Variants in SRMS observed in about 807,000 individuals in gnomAD.
SRMS encodes the protein tyrosine-protein kinase Srms.
Under a neutral mutation model 43.5 loss-of-function variants are expected in SRMS, and 42 were observed. The ratio of observed to expected loss-of-function variants is 0.97; its 90% CI spans 0.75 to 1.25. The LOEUF (loss-of-function observed/expected upper bound fraction) is 1.25. Among genes scored for constraint, SRMS ranks in the 50% most tolerant of loss-of-function variants. The pLI is 0.00. For missense variants in SRMS, 703 were observed against 681.0 expected (o/e 1.03, Z -0.36); for synonymous variants, 316 against 308.2 (o/e 1.03, Z -0.27).
chr20:63,541,346 T>A lies in SRMS; in HGVS notation c.1130A>T (p.Asp377Val). 1 of 1,542,992 alleles carries A rather than the reference T, an allele frequency of 6.5e-7. No individual in the cohort carries two copies. Among genetic ancestry groups the A allele is most frequent in the Non-Finnish European group, 8.7e-7 (1 of 1,146,458 alleles). The part of the protein sequence containing the change: ...ADFGLARLLK[D>V]DIYSPSSSSK... ...GCTGCTGCTCGGGGAGTAGATGTCGTCCTGGGGGCGAGGGAAGGCCCCTGG... is the reference window on the plus strand; with the variant it reads ...GCTGCTGCTCGGGGAGTAGATGTCGACCTGGGGGCGAGGGAAGGCCCCTGG... The change falls in exon 7 of 8, where the codon GAC becomes GTC. Residue 377 changes from aspartate (D) to valine (V), a missense_variant and splice_region_variant. Asp to Val is a radical substitution (Grantham distance 152). Coordinates refer to ENST00000217188, the MANE Select transcript of SRMS (RefSeq NM_080823.4).
chr20:63,542,451 A>T lies in SRMS; in HGVS notation c.776T>A (p.Val259Asp). 1 of 1,611,528 alleles carries T rather than the reference A, an allele frequency of 6.2e-7. No homozygotes were observed. The highest frequency in any genetic ancestry group is 8.5e-7 in the Non-Finnish European group (1 of 1,179,340). Residue 259 changes from valine (V) to aspartate (D), a missense_variant, in exon 4 of 8, where the codon GTC (valine) becomes GAC (aspartate). Transcript: ENST00000217188. The part of the protein sequence containing the change: ...WLGSLPVAIK[V>D]IKSANMKLTD... The stretch of plus-strand genomic sequence containing the variant: ...TCTCGGGGCCTCACCTGACTTGATG[A>T]CCTTGATCGCCACGGGCAGGGAGCC...
intron 5 of SRMS, 29 bp downstream of exon 5, chr20:63,542,134 G>A (rs759895294): frequency 3.6e-5 from 58 of 1,592,536 alleles, no homozygotes; most frequent in Non-Finnish European, 4.7e-5. Flanking sequence ...GGCGCGTCAG[G>A]GCCACGTGGC....
rs1600943351 is a variant in SRMS at position 63,540,199 on chromosome 20, C to A, written c.*619G>T. Among the ~76,000 whole-genome samples, 1 of 152,310 alleles carries A rather than the reference C, an allele frequency of 6.6e-6. No homozygotes were observed. The highest frequency in any genetic ancestry group is 6.5e-5 in the Admixed American group (1 of 15,292). On this transcript the variant is annotated 3_prime_UTR_variant, in exon 8 of 8. Coordinates refer to ENST00000217188, the MANE Select transcript of SRMS (RefSeq NM_080823.4). Reference sequence around the variant, plus strand: ...CGTGAGTGGGTTTGTGCACAGGCCGCCAGTGTGTCTGTGAGGGGCAGGTGA... The same window carrying A: ...CGTGAGTGGGTTTGTGCACAGGCCGACAGTGTGTCTGTGAGGGGCAGGTGA...
At chr20:63,543,288 G>C in intron 3 of SRMS, 26 bp downstream of exon 3, 1 of 1,609,070 alleles carries the variant, frequency 6.2e-7, no homozygotes, top group South Asian at 1.1e-5. Flanking sequence ...GCCCAGCATG[G>C]GGCAGCTTGG....
intron 3 of SRMS, 118 bp downstream of exon 3, chr20:63,543,196 G>T: frequency 8.0e-7 from 1 of 1,255,060 alleles, no homozygotes; most frequent in Non-Finnish European, 1.1e-6. Flanking sequence ...GCCTGGGCAG[G>T]GCCCTGGAGC....
Position 63,541,251 on chromosome 20 carries a change from C to G in SRMS, c.1225G>C (p.Val409Leu), listed in dbSNP as rs372304332. The change falls in exon 7 of 8, where the codon GTC becomes CTC. Residue 409 changes from valine to leucine, a missense_variant. Transcript: ENST00000217188. ...TGCAGCAGGACGCCGAAGGACCAGA[C>G]GTCTGACTTCTGGGAGAAGACACGA... ...NYRVFSQKSD[V>L]WSFGVLLHEV... 1 of 1,569,416 alleles carries G rather than the reference C, an allele frequency of 6.4e-7. No individual in the cohort carries two copies. The highest frequency in any genetic ancestry group is 1.4e-5 in the African/African-American group (1 of 72,634).
chr20:63,539,337 G>A lies in SRMS; in HGVS notation c.*1481C>T, dbSNP rs310649. Among the ~76,000 whole-genome samples the A allele has an allele frequency of 0.12, 18,959 of 152,232 alleles. 2,404 individuals are homozygous for A. The highest frequency in any genetic ancestry group is 0.33 in the African/African-American group (13,660 of 41,492). The stretch of plus-strand genomic sequence containing the variant: ...CCTCCGAGTGGCCTCTTCCTTCCCC[G>A]GGGCCACCTGTCTCTGCACACGGGA... On this transcript the variant is annotated 3_prime_UTR_variant, in exon 8 of 8. Coordinates refer to ENST00000217188, the MANE Select transcript of SRMS (RefSeq NM_080823.4).
In SRMS at chr20:63,539,648, T is replaced by C. The variant is rs2082691676; in HGVS notation, c.*1170A>G. On this transcript the variant is annotated 3_prime_UTR_variant, in exon 8 of 8. Coordinates refer to ENST00000217188, the MANE Select transcript of SRMS (RefSeq NM_080823.4). ...TTTCACGAAGACCTGAGCAGAAGCTTCCCTGAGCCAGACGTGGGGAGACGA... is the reference window on the plus strand; with the variant it reads ...TTTCACGAAGACCTGAGCAGAAGCTCCCCTGAGCCAGACGTGGGGAGACGA... Among the ~76,000 whole-genome samples the C allele has an allele frequency of 1.3e-5, 2 of 152,104 alleles. No homozygotes were observed. Among genetic ancestry groups the C allele is most frequent in the African/African-American group, 4.8e-5 (2 of 41,416 alleles).
intron 1 of SRMS, 75 bp from the exon 2 acceptor site, chr20:63,544,423 C>A: frequency 7.2e-7 from 1 of 1,390,498 alleles, no homozygotes; most frequent in Non-Finnish European, 9.3e-7. Flanking sequence ...TCCGTGTTGC[C>A]GGCAGGGCTG....
At position 63,542,563 on chromosome 20, in the gene SRMS, C is replaced by T. The variant is rs117606095; in HGVS notation, c.664G>A (p.Val222Met). Reference sequence around the variant, plus strand: ...AATTCGGAGTGTGGCCGCTCCCACACGTCCTGCCTCGGGGCCTTCTGCAGG... The same window carrying T: ...AATTCGGAGTGTGGCCGCTCCCACATGTCCTGCCTCGGGGCCTTCTGCAGG... ...CMPQKAPRQDVWERPHSEFAL... is the reference protein window; with the variant it reads ...CMPQKAPRQDMWERPHSEFAL... Residue 222 changes from valine (V) to methionine (M), a missense_variant, in exon 4 of 8, where the codon GTG (valine) becomes ATG (methionine). Val to Met is a conservative substitution (Grantham distance 21, BLOSUM62 1). Transcript: ENST00000217188. 8,687 of 1,529,622 alleles carry T rather than the reference C, an allele frequency of 5.7e-3. 44 individuals carry two copies. The highest frequency in any genetic ancestry group is 6.2e-3 in the Non-Finnish European group (7,010 of 1,127,738). The allele number at this position is 1,529,622 out of a possible 1,614,324, so 94.8% of individuals were successfully genotyped here.
Position 63,541,274 on chromosome 20 carries a change from C to A in SRMS, c.1202G>T (p.Arg401Leu), listed in dbSNP as rs139360881. ...KWTAPEAANYRVFSQKSDVWS... is the reference protein window; with the variant it reads ...KWTAPEAANYLVFSQKSDVWS... ...GACGTCTGACTTCTGGGAGAAGACA[C>A]GATAATTGGCCGCCTCAGGCGCTGT... Residue 401 changes from arginine to leucine, a missense_variant, in exon 7 of 8, where the codon CGT (arginine) becomes CTT (leucine). Transcript: ENST00000217188. 56 of 1,568,060 alleles carry A rather than the reference C, an allele frequency of 3.6e-5. No individual in the cohort carries two copies. The Middle Eastern group carries it at 8.6e-4, about 24-fold the overall frequency.
chr20:63,544,500 C>T, intron 1 of SRMS, 152 bp from the exon 2 acceptor site: 1 of 1,035,722 alleles, frequency 9.7e-7, no homozygotes, highest in Non-Finnish European at 1.3e-6. Context: ...AGCTCAAGGT[C>T]TGCACTGCCT....
Position 63,542,158 on chromosome 20 carries a change from C to A in SRMS, c.946+5G>T. 1 of 1,604,392 alleles carries A rather than the reference C, an allele frequency of 6.2e-7. No individual in the cohort carries two copies. The highest frequency in any genetic ancestry group is 8.5e-7 in the Non-Finnish European group (1 of 1,173,804). The stretch of plus-strand genomic sequence containing the variant: ...GGGCCACGTGGCAGCAGGGAGGGGA[C>A]TCACTGCCCAGGAAGGCCTGCAGGT... On this transcript the variant is annotated splice_donor_5th_base_variant and intron_variant, in intron 5 of 7. Coordinates refer to ENST00000217188, the MANE Select transcript of SRMS (RefSeq NM_080823.4).
intron 2 of SRMS, chr20:63,543,813 T>C (rs2082716801): frequency 5.3e-6 from 2 of 377,928 alleles, no homozygotes; most frequent in Admixed American, 8.8e-5. Flanking sequence ...AATGAACGAA[T>C]AAGCAAATGA....
In SRMS at chr20:63,547,678, G is replaced by A. The variant is rs1183255482; in HGVS notation, c.-215C>T. 3.9e-5 allele frequency among the ~76,000 whole-genome samples: 6 copies of A among 152,216 alleles called. No homozygotes were observed. The highest frequency in any genetic ancestry group is 8.8e-5 in the Non-Finnish European group (6 of 68,026). ...GGCTGGCGTTGGGGCTGGGTGGGGC[G>A]CAGGGCGGACCCCCTGCCTCAGGCA... is the stretch of plus-strand genomic sequence containing the variant. On this transcript the variant is annotated 5_prime_UTR_variant, in exon 1 of 8. Transcript: ENST00000217188.
At position 63,538,694 on chromosome 20, in the gene SRMS, C is replaced by T. The variant is rs2082686271; in HGVS notation, c.*2124G>A. On this transcript the variant is annotated 3_prime_UTR_variant, in exon 8 of 8. Coordinates refer to ENST00000217188, the MANE Select transcript of SRMS (RefSeq NM_080823.4). ...AGGCCCTCCCAGCTCTGTCTGGGGTCGGTTGGGGAGGATGCAGGGGGAGGG... is the reference window on the plus strand; with the variant it reads ...AGGCCCTCCCAGCTCTGTCTGGGGTTGGTTGGGGAGGATGCAGGGGGAGGG... Among the ~76,000 whole-genome samples the T allele has an allele frequency of 7.2e-5, 3 of 41,734 alleles. No homozygotes were observed. The highest frequency in any genetic ancestry group is 2.0e-4 in the African/African-American group (2 of 10,058). 27.4% of individuals were successfully genotyped at this position (41,734 alleles called of 152,430 possible). A position where few individuals can be genotyped will look rare whatever the true frequency, so the allele number is the denominator to read the frequency against.
intron 2 of SRMS, 143 bp downstream of exon 2, chr20:63,544,084 G>A: frequency 1.0e-6 from 1 of 980,436 alleles, no homozygotes; most frequent in Non-Finnish European, 1.4e-6. Flanking sequence ...GCAAGTGCAG[G>A]AGGTGACCAG....
In SRMS at chr20:63,540,660, C is replaced by G; in HGVS notation, c.*158G>C. 4.3e-6 allele frequency: 4 copies of G among 934,620 alleles called. No individual in the cohort carries two copies. The allele number at this position is 934,620 out of a possible 1,614,324, so 57.9% of individuals were successfully genotyped here. On this transcript the variant is annotated 3_prime_UTR_variant, in exon 8 of 8. Coordinates refer to ENST00000217188, the MANE Select transcript of SRMS (RefSeq NM_080823.4). ...GACGTCAGCCCCAGCCCTCCGTCTG[C>G]ACGTCTGCCTGGTGCACGAACATGT...
In SRMS at chr20:63,542,271, G is replaced by T. The variant is rs145835226; in HGVS notation, c.838C>A (p.Leu280Met). The T allele has an allele frequency of 3.1e-6, 5 of 1,612,468 alleles. No homozygotes were observed. Among genetic ancestry groups the T allele is most frequent in the Non-Finnish European group, 2.5e-6 (3 of 1,179,656 alleles). Residue 280 changes from leucine to methionine, a missense_variant, in exon 5 of 8, where the codon CTG (leucine) becomes ATG (methionine). Physicochemically the swap from Leu to Met is conservative, Grantham distance 15. Coordinates refer to ENST00000217188, the MANE Select transcript of SRMS (RefSeq NM_080823.4). The stretch of plus-strand genomic sequence containing the variant: ...AGCCGGATGAGCCGCTCGTGCCGCA[G>T]GCCCTTCAGTGTCTGGATCTCCTTG... ...LAKEIQTLKG[L>M]RHERLIRLHA...
Sources: allele counts gnomAD v4.1 joint callset (sites outside exome capture counted in the v4.1 genomes callset), GRCh38; gene constraint gnomAD v4.1.1; transcripts MANE v1.5; gene names NCBI Gene and HGNC (gene_info 2026-07-23, HGNC 2026-07-21).